The following PLPP4 variants were observed in gnomAD, a reference collection of about 807,000 sequenced individuals.
PLPP4 encodes diacylglycerol pyrophosphate like 2.
PLPP4 carries 20 observed loss-of-function variants against 32.2 expected under a neutral mutation model. That is an observed-to-expected ratio of 0.62 (90% CI 0.44 to 0.90). PLPP4 has a LOEUF of 0.90. Among genes scored for constraint, PLPP4 ranks in the 40% least tolerant of loss-of-function variants. PLPP4 has a pLI of 0.00. For missense variants in PLPP4, 257 were observed against 353.1 expected, an observed-to-expected ratio of 0.73 and a Z score of 2.18; for synonymous variants, 127 against 133.0, an observed-to-expected ratio of 0.95 and a Z score of 0.31.
chr10:120,468,257 T>C lies in PLPP4; in HGVS notation c.56+10896T>C, dbSNP rs534495169. On this transcript the variant is annotated intron_variant, in intron 1 of 6. Coordinates refer to ENST00000398250, the MANE Select transcript of PLPP4 (RefSeq NM_001030059.3). Reference sequence around the variant, plus strand: ...TGTGATTCCATAGCAATGCAAGATATGGATCTGAAAACGACAAAATAACAA... The same window carrying C: ...TGTGATTCCATAGCAATGCAAGATACGGATCTGAAAACGACAAAATAACAA... 1.6e-3 allele frequency among the ~76,000 whole-genome samples: 102 copies of C among 65,418 alleles called. 33 individuals carry two copies. Among genetic ancestry groups the C allele is most frequent in the African/African-American group, 3.0e-3 (91 of 30,746 alleles). The allele number at this position is 65,418 out of a possible 152,430, so 42.9% of individuals were successfully genotyped here. A position where few individuals can be genotyped will look rare whatever the true frequency, so the allele number is the denominator to read the frequency against.
intron 2 of PLPP4, among the ~76,000 whole-genome samples, chr10:120,510,259 C>G (rs1845671633): frequency 6.6e-6 from 1 of 152,190 alleles, no homozygotes; most frequent in African/African-American, 2.4e-5. Flanking sequence ...TCAATATGTT[C>G]TCTGAATCCT....
intron 6 of PLPP4, among the ~76,000 whole-genome samples, chr10:120,576,356 C>G (rs958800551): frequency 8.5e-5 from 13 of 152,222 alleles, no homozygotes; most frequent in African/African-American, 3.1e-4. Context: ...TCTGTCTTTG[C>G]AGCCAGCTGC....
intron 1 of PLPP4, among the ~76,000 whole-genome samples, chr10:120,462,045 G>T (rs1246942733): frequency 6.6e-6 from 1 of 152,202 alleles, no homozygotes; most frequent in African/African-American, 2.4e-5. Context: ...TTGGAGCAAG[G>T]TGCTAGGTTT....
chr10:120,577,534 G>A (rs1053462605), intron 6 of PLPP4, among the ~76,000 whole-genome samples: 2 of 152,160 alleles, frequency 1.3e-5, no homozygotes, highest in African/African-American at 2.4e-5. Context: ...CTTTGAAACC[G>A]TACTATCCAA....
At chr10:120,498,137 C>A (rs1283495636) in intron 1 of PLPP4, among the ~76,000 whole-genome samples, 2 of 152,092 alleles carry the variant, frequency 1.3e-5, no homozygotes, top group Admixed American at 1.3e-4. Context: ...TGACTTTGGG[C>A]AGTTAAAATT....
chr10:120,545,022 G>A lies in PLPP4; in HGVS notation c.445+23927G>A, dbSNP rs539656134. Among the ~76,000 whole-genome samples, 32 of 152,346 alleles carry A rather than the reference G, an allele frequency of 2.1e-4. 1 individual carries two copies. Among genetic ancestry groups the A allele is most frequent in the Admixed American group, 1.2e-3 (19 of 15,306 alleles). On this transcript the variant is annotated intron_variant, in intron 5 of 6. Coordinates refer to ENST00000398250, the MANE Select transcript of PLPP4 (RefSeq NM_001030059.3). ...GAGTGACATGTGCTTGGTTGATGGC[G>A]TCACTTCTGCTTTGAGAAGGCATTG...
At chr10:120,500,173 A>G (rs1210373866) in intron 1 of PLPP4, among the ~76,000 whole-genome samples, 1 of 152,154 alleles carries the variant, frequency 6.6e-6, no homozygotes, top group Admixed American at 6.5e-5. Context: ...GGGATTGTGC[A>G]AAAGCCTGGG....
At chr10:120,553,514 A>C (rs1480415425) in intron 5 of PLPP4, among the ~76,000 whole-genome samples, 1 of 152,238 alleles carries the variant, frequency 6.6e-6, no homozygotes, top group Non-Finnish European at 1.5e-5. Context: ...GGAGAAATAA[A>C]TTTTTGTTGT....
At chr10:120,562,704 C>G (rs1008412066) in intron 5 of PLPP4, among the ~76,000 whole-genome samples, 1 of 152,176 alleles carries the variant, frequency 6.6e-6, no homozygotes, top group African/African-American at 2.4e-5. Context: ...TTTAAACCTG[C>G]TTTAATTCCT....
intron 4 of PLPP4, among the ~76,000 whole-genome samples, chr10:120,519,277 T>G (rs1186553192): frequency 6.6e-6 from 1 of 152,174 alleles, no homozygotes; most frequent in Non-Finnish European, 1.5e-5. Context: ...GATTGGCATT[T>G]GAGCCTTGGC....
intron 5 of PLPP4, among the ~76,000 whole-genome samples, chr10:120,529,401 C>T (rs535995748): frequency 6.4e-4 from 97 of 152,226 alleles, no homozygotes; most frequent in African/African-American, 2.3e-3. Context: ...GTGTTAAATT[C>T]GTCCACTCTC....
At chr10:120,528,337 G>A (rs1006162200) in intron 5 of PLPP4, among the ~76,000 whole-genome samples, 1 of 152,070 alleles carries the variant, frequency 6.6e-6, no homozygotes, top group African/African-American at 2.4e-5. Context: ...GCCTCCCAAA[G>A]TGCTGGGATT....
chr10:120,557,850 T>C (rs937928593), intron 5 of PLPP4, among the ~76,000 whole-genome samples: 2 of 152,312 alleles, frequency 1.3e-5, no homozygotes, highest in Non-Finnish European at 2.9e-5. Flanking sequence ...GCATAACTCT[T>C]GTTATAGAGC....
intron 2 of PLPP4, 146 bp from the exon 3 acceptor site, chr10:120,513,764 CT>C (rs5788426): frequency 0.85 from 554,725 of 650,114 alleles, 235,355 homozygotes; most frequent in East Asian, 0.95. Context: ...ATACATCATC[CT>C]TTTTTTTTTG....
At chr10:120,466,431 T>C (rs1449047375) in intron 1 of PLPP4, among the ~76,000 whole-genome samples, 1 of 152,160 alleles carries the variant, frequency 6.6e-6, no homozygotes, top group Non-Finnish European at 1.5e-5. Context: ...AACCAACTGC[T>C]GCTACCCACA....
Position 120,588,615 on chromosome 10 carries a change from G to GA in PLPP4, c.617-678dup, listed in dbSNP as rs1269542975. On this transcript the variant is annotated intron_variant, in intron 6 of 6. Coordinates refer to ENST00000398250, the MANE Select transcript of PLPP4 (RefSeq NM_001030059.3). ...AGGACTCTGATGGGAACTTACTAAA[G>GA]AAAAAAAAAATTACAGCTCCCAAGA... is the stretch of plus-strand genomic sequence containing the variant. Among the ~76,000 whole-genome samples, 23 of 149,290 alleles carry GA rather than the reference G, an allele frequency of 1.5e-4. 1 individual carries two copies. In the Middle Eastern group the frequency reaches 0.017, roughly 111 times the overall value.
chr10:120,500,785 CTT>C (rs1189613193), intron 1 of PLPP4, among the ~76,000 whole-genome samples: 1 of 152,156 alleles, frequency 6.6e-6, no homozygotes, highest in African/African-American at 2.4e-5. Flanking sequence ...CCACCTTTCT[CTT>C]TGGGCACTCA....
intron 5 of PLPP4, among the ~76,000 whole-genome samples, chr10:120,526,875 G>A (rs1452176314): frequency 6.6e-6 from 1 of 152,186 alleles, no homozygotes; most frequent in Non-Finnish European, 1.5e-5. Flanking sequence ...GGCCCTGCCT[G>A]GTGAATGGGC....
At chr10:120,513,818 A>T in intron 2 of PLPP4, 93 bp from the exon 3 acceptor site, 1 of 915,830 alleles carries the variant, frequency 1.1e-6, no homozygotes, top group Non-Finnish European at 1.8e-6. Context: ...TCAACCAGGG[A>T]GTCTAAATGA....
Sources: gnomAD v4.1 joint callset for allele counts (sites outside exome capture counted in the v4.1 genomes callset) on GRCh38, gnomAD v4.1.1 for gene constraint, MANE v1.5 for transcripts, NCBI Gene and HGNC (gene_info 2026-07-23, HGNC 2026-07-21) for gene names.